The following DMP1 variants were observed in gnomAD, a reference collection of about 807,000 sequenced individuals.
DMP1 encodes the protein dentin matrix protein 1.
DMP1 carries 20 observed loss-of-function variants against 14.6 expected under a neutral mutation model. The observed-to-expected ratio is 1.37, with a 90% CI of 0.96 to 1.99. The LOEUF (loss-of-function observed/expected upper bound fraction) is 1.99, where lower values mean the gene tolerates loss of function less well. DMP1 is among the 30% of genes most tolerant of loss of function. The probability of loss-of-function intolerance (pLI) is 0.00; values close to 1 mark genes in which losing one functional copy is unlikely to be tolerated. For missense variants in DMP1, 567 were observed against 620.5 expected, an observed-to-expected ratio of 0.91 and a Z score of 0.92; for synonymous variants, 197 against 215.3, an observed-to-expected ratio of 0.91 and a Z score of 0.75.
chr4:87,661,652 T>TC, intron 5 of DMP1, among the ~76,000 whole-genome samples: 1 of 151,078 alleles, frequency 6.6e-6, no homozygotes, highest in Non-Finnish European at 1.5e-5. Flanking sequence ...CAAGAGTTTT[T>TC]TTTTTTTTTT....
At chr4:87,654,390 T>C (rs1728626812) in intron 1 of DMP1, among the ~76,000 whole-genome samples, 1 of 152,160 alleles carries the variant, frequency 6.6e-6, no homozygotes. Flanking sequence ...CTTCTGAGGC[T>C]GCTTCTGAGG....
intron 3 of DMP1, chr4:87,657,417 G>A (rs926608612): frequency 5.7e-6 from 1 of 175,568 alleles, no homozygotes; most frequent in African/African-American, 2.4e-5. Flanking sequence ...GTCCTGGAAG[G>A]TGAAAAAAGA....
At chr4:87,654,022 C>T (rs1324773326) in intron 1 of DMP1, among the ~76,000 whole-genome samples, 2 of 152,122 alleles carry the variant, frequency 1.3e-5, no homozygotes, top group African/African-American at 4.8e-5. Flanking sequence ...AGGTTTTGAC[C>T]TTATACTAGT....
In DMP1 at chr4:87,663,894, A is replaced by T. The variant is rs1014032712; in HGVS notation, c.*574A>T. On this transcript the variant is annotated 3_prime_UTR_variant, in exon 6 of 6. Coordinates refer to ENST00000339673, the MANE Select transcript of DMP1 (RefSeq NM_004407.4). The stretch of plus-strand genomic sequence containing the variant: ...CATAGCAGAAGACATTGGAGTTGGA[A>T]GGTTGCATAGGGTTTCCTCATTGGA... 1 of 158,872 alleles carries T rather than the reference A, an allele frequency of 6.3e-6. No individual in the cohort carries two copies. The highest frequency in any genetic ancestry group is 1.4e-5 in the Non-Finnish European group (1 of 71,544). 9.8% of individuals were successfully genotyped at this position (158,872 alleles called of 1,614,324 possible). A position where few individuals can be genotyped will look rare whatever the true frequency, so the allele number is the denominator to read the frequency against.
chr4:87,651,907 A>C (rs891930505), intron 1 of DMP1, among the ~76,000 whole-genome samples: 1 of 152,190 alleles, frequency 6.6e-6, no homozygotes, highest in Non-Finnish European at 1.5e-5. Flanking sequence ...GGTTTACATA[A>C]AAGAAGATAT....
At position 87,662,954 on chromosome 4, in the gene DMP1, C is replaced by T. The variant is rs1728962487; in HGVS notation, c.1176C>T (p.Leu392=). The T allele has an allele frequency of 2.5e-6, 4 of 1,614,158 alleles. No homozygotes were observed. Among genetic ancestry groups the T allele is most frequent in the Non-Finnish European group, 3.4e-6 (4 of 1,180,026 alleles). The change falls in exon 6 of 6, where the codon CTC becomes CTT. Residue 392 remains leucine (L), a synonymous_variant. Coordinates refer to ENST00000339673, the MANE Select transcript of DMP1 (RefSeq NM_004407.4). ...GCGAGGAGGACAGCTCGCACACACT[C>T]TCCCACTCAAAAAGTGAATCCAGAG... ...DSSEEDSSHT[L]SHSKSESREE... is the part of the protein sequence containing the mutation.
chr4:87,657,577 C>T (rs1475104272), intron 3 of DMP1, among the ~76,000 whole-genome samples: 4 of 152,168 alleles, frequency 2.6e-5, no homozygotes, highest in Admixed American at 2.0e-4. Flanking sequence ...TCTTAATTTT[C>T]ACACCTCTGT....
intron 2 of DMP1, 109 bp from the exon 3 acceptor site, chr4:87,656,923 C>T: frequency 3.9e-6 from 3 of 759,984 alleles, no homozygotes; most frequent in Non-Finnish European, 7.1e-6. Flanking sequence ...CCCAGTGATT[C>T]TGATGCAGCC....
At chr4:87,653,403 A>ATATATATATATATATATATATATAT (rs1728579650) in intron 1 of DMP1, among the ~76,000 whole-genome samples, 36 of 94,444 alleles carry the variant, frequency 3.8e-4, no homozygotes, top group Non-Finnish European at 7.1e-4. Context: ...ATATATATAT[A>ATATATATATATATATATATATATAT]TATATATATA....
At chr4:87,656,656 A>T in intron 2 of DMP1, 110 bp downstream of exon 2, 1 of 806,642 alleles carries the variant, frequency 1.2e-6, no homozygotes, top group South Asian at 1.3e-5. Context: ...CAGTAAAAAT[A>T]GTAGTTTCTT....
intron 5 of DMP1, among the ~76,000 whole-genome samples, chr4:87,661,133 G>A (rs1030857359): frequency 6.7e-6 from 1 of 148,984 alleles, no homozygotes; most frequent in Admixed American, 6.7e-5. Context: ...TGCCCCCCAG[G>A]TTCAAGTGAT....
chr4:87,653,407 A>ATATATATATATATATATATATATAT lies in DMP1; in HGVS notation c.-22+3024_-21-3040dup, dbSNP rs1728583688. On this transcript the variant is annotated intron_variant, in intron 1 of 5. Transcript: ENST00000339673. ...GAGTGATATATATATATATATATAT[A>ATATATATATATATATATATATATAT]TATATATATATATATATATATATAT... is the stretch of plus-strand genomic sequence containing the variant. Among the ~76,000 whole-genome samples the ATATATATATATATATATATATATAT allele has an allele frequency of 8.6e-4, 90 of 104,152 alleles. 2 individuals are homozygous for ATATATATATATATATATATATATAT. The highest frequency in any genetic ancestry group is 1.5e-3 in the Non-Finnish European group (74 of 50,388). The allele number at this position is 104,152 out of a possible 152,430, so 68.3% of individuals were successfully genotyped here. A position where few individuals can be genotyped will look rare whatever the true frequency, so the allele number is the denominator to read the frequency against.
intron 1 of DMP1, among the ~76,000 whole-genome samples, chr4:87,652,663 T>C (rs893655339): frequency 6.6e-6 from 1 of 152,186 alleles, no homozygotes; most frequent in African/African-American, 2.4e-5. Context: ...TGCACTTCTT[T>C]GTGAGAAAAC....
chr4:87,651,014 T>C (rs1728519719), intron 1 of DMP1, among the ~76,000 whole-genome samples: 1 of 152,144 alleles, frequency 6.6e-6, no homozygotes, highest in African/African-American at 2.4e-5. Context: ...TTTTAAAATA[T>C]TGCATTTTAA....
chr4:87,654,722 G>A (rs1043908763), intron 1 of DMP1, among the ~76,000 whole-genome samples: 1 of 152,168 alleles, frequency 6.6e-6, no homozygotes, highest in African/African-American at 2.4e-5. Flanking sequence ...TGAAAGGAGA[G>A]GGTAGAGGAA....
Position 87,663,256 on chromosome 4 carries a change from T to G in DMP1, c.1478T>G (p.Val493Gly). Residue 493 changes from valine to glycine, a missense_variant, in exon 6 of 6, where the codon GTT becomes GGT. Coordinates refer to ENST00000339673, the MANE Select transcript of DMP1 (RefSeq NM_004407.4). The stretch of plus-strand genomic sequence containing the variant: ...GAGATAGAGAGCCGGAAATTAACAG[T>G]TGATGCCTATCACAACAAACCCATT... Reference protein sequence around the residue: ...NIEIESRKLTVDAYHNKPIGD... With the variant: ...NIEIESRKLTGDAYHNKPIGD... 1 of 1,614,202 alleles carries G rather than the reference T, an allele frequency of 6.2e-7. No individual in the cohort carries two copies. The highest frequency in any genetic ancestry group is 2.2e-5 in the East Asian group (1 of 44,890).
At position 87,662,126 on chromosome 4, in the gene DMP1, C is replaced by A; in HGVS notation, c.348C>A (p.Asp116Glu). The A allele has an allele frequency of 1.9e-6, 3 of 1,614,142 alleles. No homozygotes were observed. Among genetic ancestry groups the A allele is most frequent in the Non-Finnish European group, 2.5e-6 (3 of 1,180,030 alleles). Reference sequence around the variant, plus strand: ...ACAGTGGAGATGACACCTTTGGTGACGATGACAGTGGCCCAGGGCCCAAAG... The same window carrying A: ...ACAGTGGAGATGACACCTTTGGTGAAGATGACAGTGGCCCAGGGCCCAAAG... ...EDDSGDDTFG[D>E]DDSGPGPKDR... Residue 116 changes from aspartate (D) to glutamate (E), a missense_variant, in exon 6 of 6, where the codon GAC becomes GAA. Coordinates refer to ENST00000339673, the MANE Select transcript of DMP1 (RefSeq NM_004407.4).
intron 1 of DMP1, among the ~76,000 whole-genome samples, chr4:87,653,413 A>AATATATATATATATAT (rs1560489318): frequency 1.2e-4 from 14 of 112,680 alleles, no homozygotes; most frequent in Non-Finnish European, 2.4e-4. Flanking sequence ...ATATATATAT[A>AATATATATATATATAT]TATATATATA....
chr4:87,658,309 C>T (rs903626916), intron 3 of DMP1, among the ~76,000 whole-genome samples: 5 of 152,216 alleles, frequency 3.3e-5, no homozygotes, highest in East Asian at 1.9e-4. Flanking sequence ...CTCTACTTTG[C>T]GCCTTGGGTG....
Sources: gnomAD v4.1 joint callset for allele counts (sites outside exome capture counted in the v4.1 genomes callset) on GRCh38, gnomAD v4.1.1 for gene constraint, MANE v1.5 for transcripts, NCBI Gene and HGNC (gene_info 2026-07-23, HGNC 2026-07-21) for gene names.